The following ZP4 variants were observed in gnomAD, a reference collection of about 807,000 sequenced individuals.
ZP4 encodes the protein zona pellucida sperm-binding protein 4.
A neutral mutation model predicts 62.3 loss-of-function variants in ZP4; 62 were observed. The observed-to-expected ratio is 0.99, with a 90% CI of 0.81 to 1.23. The LOEUF is 1.23. Among genes scored for constraint, ZP4 ranks in the 50% most tolerant of loss-of-function variants. The pLI, the probability that ZP4 is intolerant of heterozygous loss-of-function variation, is 0.00. For missense variants in ZP4, 774 were observed against 656.0 expected, an observed-to-expected ratio of 1.18 and a Z score of -1.97; for synonymous variants, 289 against 247.3, an observed-to-expected ratio of 1.17 and a Z score of -1.58.
At chr1:237,886,525 A>G (rs1299662773) in intron 6 of ZP4, among the ~76,000 whole-genome samples, 1 of 152,148 alleles carries the variant, frequency 6.6e-6, no homozygotes, top group Non-Finnish European at 1.5e-5. Flanking sequence ...TAGAATGGAG[A>G]AGGCCAAAAT....
chr1:237,884,946 A>G, intron 9 of ZP4, 99 bp from the exon 10 acceptor site: 1 of 1,357,838 alleles, frequency 7.4e-7, no homozygotes, highest in South Asian at 1.3e-5. Flanking sequence ...AAGTTATCAG[A>G]AAATTGATAT....
rs1665161634 is a variant in ZP4, at chr1:237,888,497, T to C, written c.414A>G (p.Pro138=). Reference sequence around the variant, plus strand: ...GGATGGAGTCACACCAGTCAGTATCTGGAGCATCTCGGGCTAGGTTTTGAA... The same window carrying C: ...GGATGGAGTCACACCAGTCAGTATCCGGAGCATCTCGGGCTAGGTTTTGAA... ...CPMDLLARDA[P]DTDWCDSIPA... is the part of the protein sequence containing the mutation. The change falls in exon 4 of 12, where the codon CCA becomes CCG. Residue 138 remains proline (P), a synonymous_variant. Coordinates refer to ENST00000366570, the MANE Select transcript of ZP4 (RefSeq NM_021186.5). 1 of 1,600,392 alleles carries C rather than the reference T, an allele frequency of 6.2e-7. No individual in the cohort carries two copies.
chr1:237,884,707 A>G (rs1665052853), intron 10 of ZP4, 62 bp downstream of exon 10: 22 of 1,491,022 alleles, frequency 1.5e-5, no homozygotes, highest in Non-Finnish European at 2.0e-5. Context: ...AGAGACTAGG[A>G]AAGGTTAGAC....
rs914100303 is a variant in ZP4 at position 237,890,812 on chromosome 1, T to C, written c.-177A>G. 26 of 624,920 alleles carry C rather than the reference T, an allele frequency of 4.2e-5. No individual in the cohort carries two copies. Among genetic ancestry groups the C allele is most frequent in the Non-Finnish European group, 6.6e-5 (25 of 377,496 alleles). 38.7% of individuals were successfully genotyped at this position (624,920 alleles called of 1,614,324 possible). The stretch of plus-strand genomic sequence containing the variant: ...GGGAATTCCTCTAGCCTCATTTGCT[T>C]TGGGGCACAGTCTGCAGCTGCCTCA... On this transcript the variant is annotated 5_prime_UTR_variant, in exon 1 of 12. Transcript: ENST00000366570.
Position 237,885,234 on chromosome 1 carries a change from G to A in ZP4, c.1242C>T (p.His414=), listed in dbSNP as rs959834457. The A allele has an allele frequency of 5.6e-6, 9 of 1,614,070 alleles. No homozygotes were observed. Among genetic ancestry groups the A allele is most frequent in the African/African-American group, 1.3e-5 (1 of 74,928 alleles). ...KALDLPFPSH[H]QRFSIFTFSF... ...TGAAGGTGAAGATGCTGAAGCGCTG[G>A]TGGTGAGAGGGAAATGGAAGATCCA... Residue 414 remains histidine (H), a synonymous_variant, in exon 9 of 12, where the codon CAC becomes CAT. Coordinates refer to ENST00000366570, the MANE Select transcript of ZP4 (RefSeq NM_021186.5).
Position 237,885,474 on chromosome 1 carries a change from G to A in ZP4, c.1077C>T (p.Tyr359=). The change falls in exon 8 of 12, where the codon TAC becomes TAT. Residue 359 remains tyrosine, a synonymous_variant. Transcript: ENST00000366570. ...AACACTGTTGTAGGAGCAGCCCCAG[G>A]TAGGGGTCTGTTCTGTGAAGGATGG... ...EVSILHRTDP[Y]LGLLLQQCWA... The A allele has an allele frequency of 6.2e-7, 1 of 1,614,156 alleles. No individual in the cohort carries two copies. Among genetic ancestry groups the A allele is most frequent in the Non-Finnish European group, 8.5e-7 (1 of 1,180,022 alleles).
intron 4 of ZP4, among the ~76,000 whole-genome samples, chr1:237,888,024 A>T (rs1665146466): frequency 6.6e-6 from 1 of 152,218 alleles, no homozygotes; most frequent in Non-Finnish European, 1.5e-5. Context: ...GACAAGCAGA[A>T]AGCAACAGCC....
At chr1:237,883,743 G>GAGGGAGAGAGAGGAAGAGAGAGGA (rs1664988395) in intron 10 of ZP4, among the ~76,000 whole-genome samples, 1 of 56,528 alleles carries the variant, frequency 1.8e-5, no homozygotes, top group Non-Finnish European at 3.4e-5. Context: ...GAGAGAGAGG[G>GAGGGAGAGAGAGGAAGAGAGAGGA]AGAGAGAGGG....
In ZP4 at chr1:237,890,646, G is replaced by A. The variant is rs780492942; in HGVS notation, c.-11C>T. The A allele has an allele frequency of 1.2e-5, 19 of 1,608,564 alleles. No individual in the cohort carries two copies. The South Asian group carries it at 1.8e-4, about 15-fold the overall frequency. On this transcript the variant is annotated 5_prime_UTR_variant, in exon 1 of 12. Transcript: ENST00000366570. Reference sequence around the variant, plus strand: ...CCGCAGCAGCCACATAATGCTACCAGGAGTTCCTGCCGGCTGCAGACTCTC... The same window carrying A: ...CCGCAGCAGCCACATAATGCTACCAAGAGTTCCTGCCGGCTGCAGACTCTC...
In ZP4 at chr1:237,884,749, C is replaced by CTT; in HGVS notation, c.1390+19_1390+20insAA. On this transcript the variant is annotated intron_variant, in intron 10 of 11. Transcript: ENST00000366570. ...CTCAAGATTCATTCAAATCTGTCCT[C>CTT]TAACAGCTTGGTTACTCACGACTGA... 6.2e-7 allele frequency: 1 copy of CTT among 1,610,274 alleles called. No homozygotes were observed. Among genetic ancestry groups the CTT allele is most frequent in the Non-Finnish European group, 8.5e-7 (1 of 1,177,752 alleles).
intron 10 of ZP4, 92 bp from the exon 11 acceptor site, chr1:237,882,938 T>G (rs1664951135): frequency 9.3e-7 from 1 of 1,076,524 alleles, no homozygotes; most frequent in African/African-American, 1.6e-5. Flanking sequence ...AGTGTCTCTA[T>G]AAAGCTTGGT....
chr1:237,890,531 C>T lies in ZP4; in HGVS notation c.105G>A (p.Gly35=), dbSNP rs768209689. 1.2e-6 allele frequency: 2 copies of T among 1,614,080 alleles called. No individual in the cohort carries two copies. Among genetic ancestry groups the T allele is most frequent in the Non-Finnish European group, 1.7e-6 (2 of 1,180,010 alleles). Residue 35 remains glycine, a synonymous_variant, in exon 1 of 12, where the codon GGG becomes GGA. Transcript: ENST00000366570. The stretch of plus-strand genomic sequence containing the variant: ...TTACAGCAAACTGGAAGCTCCACGG[C>T]CCACAGTGGAGCACACTGGAATAAT... ...APDYSSVLHC[G]PWSFQFAVNL... is the part of the protein sequence containing the mutation.
chr1:237,884,648 A>G (rs1665051405), intron 10 of ZP4, 121 bp downstream of exon 10: 1 of 853,914 alleles, frequency 1.2e-6, no homozygotes, highest in Non-Finnish European at 1.8e-6. Flanking sequence ...CACCGCAAGT[A>G]CTTAGAGAAG....
At chr1:237,885,662 C>T (rs1032824108) in intron 7 of ZP4, 82 bp from the exon 8 acceptor site, 2 of 1,592,200 alleles carry the variant, frequency 1.3e-6, no homozygotes, top group African/African-American at 1.3e-5. Context: ...TAGCCCCAAG[C>T]CCCTTAAGTG....
intron 10 of ZP4, among the ~76,000 whole-genome samples, chr1:237,884,050 AC>A (rs1665034935): frequency 7.3e-6 from 1 of 136,484 alleles, no homozygotes; most frequent in Admixed American, 7.0e-5. Flanking sequence ...ACAAACACAC[AC>A]AAACACACAC....
rs1665223293 is a variant in ZP4, at chr1:237,890,703, T to C, written c.-68A>G. On this transcript the variant is annotated 5_prime_UTR_variant, in exon 1 of 12. Transcript: ENST00000366570. ...CTCTCCCAAGAGCCGAGGGTCTGCCTGCCCAGATTCCTTTATATACAGAAG... is the reference window on the plus strand; with the variant it reads ...CTCTCCCAAGAGCCGAGGGTCTGCCCGCCCAGATTCCTTTATATACAGAAG... 12 of 1,534,880 alleles carry C rather than the reference T, an allele frequency of 7.8e-6. No individual in the cohort carries two copies. In the South Asian group the frequency reaches 1.3e-4, roughly 16 times the overall value.
In ZP4 at chr1:237,882,795, CT is replaced by C; in HGVS notation, c.1441del (p.Ser481AlafsTer5). ...SSQNTTASVS[S>X]KGPMILLQAT... ...TTGGAGTAGAATCATGGGGCCTTTG[CT>C]AGAAACACTAGCAGTAGTGTTCTGA... On this transcript the variant is annotated frameshift_variant, in exon 11 of 12. Transcript: ENST00000366570. LOFTEE classifies it high-confidence loss of function. The C allele has an allele frequency of 1.2e-6, 2 of 1,614,094 alleles. No individual in the cohort carries two copies. The highest frequency in any genetic ancestry group is 1.7e-6 in the Non-Finnish European group (2 of 1,180,004).
rs144826099 is a variant in ZP4, at chr1:237,889,927, C to T, written c.340G>A (p.Ala114Thr). ...IMPVGVEGAG[A>T]AEHKVVTERK... ...TCTGTAACCACCTTGTGTTCAGCCG[C>T]GCCTGCTCCTTCAACTCCAACTGGC... Residue 114 changes from alanine (A) to threonine (T), a missense_variant, in exon 3 of 12, where the codon GCG (alanine) becomes ACG (threonine). Physicochemically the swap from Ala to Thr is moderately conservative, Grantham distance 58 (BLOSUM62 0). Coordinates refer to ENST00000366570, the MANE Select transcript of ZP4 (RefSeq NM_021186.5). 286 of 1,614,070 alleles carry T rather than the reference C, an allele frequency of 1.8e-4. 1 individual carries two copies. The highest frequency in any genetic ancestry group is 5.2e-4 in the African/African-American group (39 of 74,988).
chr1:237,885,423 CAG>C lies in ZP4; in HGVS notation c.1126_1127del (p.Leu376GlufsTer75), dbSNP rs771564566. 3.1e-6 allele frequency: 5 copies of C among 1,612,668 alleles called. No individual in the cohort carries two copies. In the East Asian group the frequency reaches 1.1e-4, roughly 36 times the overall value. Reference sequence around the variant, plus strand: ...CCAGGATGGGCCACTGTGGCTGACTCAGGGGGTCAGTGCTGGGTGTTGCCCAA... The same window carrying C: ...CCAGGATGGGCCACTGTGGCTGACTCGGGGTCAGTGCTGGGTGTTGCCCAA... Reference protein sequence around the residue: ...QCWATPSTDPLSQPQWPILVK... With the variant: ...QCWATPSTDPXSQPQWPILVK... On this transcript the variant is annotated frameshift_variant, in exon 8 of 12. Coordinates refer to ENST00000366570, the MANE Select transcript of ZP4 (RefSeq NM_021186.5). LOFTEE classifies it high-confidence loss of function.
Sources: gnomAD v4.1 joint callset for allele counts (sites outside exome capture counted in the v4.1 genomes callset) on GRCh38, gnomAD v4.1.1 for gene constraint, MANE v1.5 for transcripts, NCBI Gene and HGNC (gene_info 2026-07-23, HGNC 2026-07-21) for gene names.